MYO16: variants seen among roughly 807,000 people sequenced by gnomAD.
MYO16 encodes the protein myosin XVI.
A neutral mutation model predicts 205.3 loss-of-function variants in MYO16; 94 were observed. The observed-to-expected ratio is 0.46, with a 90% CI of 0.39 to 0.54. MYO16 has a LOEUF of 0.54. Among genes scored for constraint, MYO16 ranks in the 20% least tolerant of loss-of-function variants. The probability of loss-of-function intolerance (pLI) is 0.00; values close to 1 mark genes in which losing one functional copy is unlikely to be tolerated. For synonymous variants in MYO16, 988 were observed against 954.0 expected (o/e 1.04, Z -0.66); for missense variants, 2,315 against 2,387.5 (o/e 0.97, Z 0.63).
chr13:109,182,100 G>A (rs1879483347), intron 34 of MYO16, among the ~76,000 whole-genome samples: 2 of 152,162 alleles, frequency 1.3e-5, no homozygotes, highest in African/African-American at 2.4e-5. Context: ...TTACAGGCGG[G>A]AGCCACTGCA....
chr13:108,623,722 C>T (rs1879625071), intron 1 of MYO16, among the ~76,000 whole-genome samples: 1 of 152,242 alleles, frequency 6.6e-6, no homozygotes, highest in East Asian at 1.9e-4. Flanking sequence ...CTGGCTCTCC[C>T]TTTGTTGATC....
At chr13:108,590,818 T>G in the MYO16 span, among the ~76,000 whole-genome samples, 1 of 151,842 alleles carries the variant, frequency 6.6e-6, no homozygotes, top group Non-Finnish European at 1.5e-5. Flanking sequence ...AGAGGAAGAA[T>G]TTTTCCTTAC....
At chr13:108,822,975 C>A (rs1269613493) in intron 8 of MYO16, 150 bp from the exon 9 acceptor site, 3 of 668,312 alleles carry the variant, frequency 4.5e-6, no homozygotes, top group Non-Finnish European at 7.3e-6. Flanking sequence ...TCAATTTTAT[C>A]CCAGCCGTAA....
chr13:109,099,123 T>C (rs944553562), intron 27 of MYO16, among the ~76,000 whole-genome samples: 22 of 152,172 alleles, frequency 1.4e-4, no homozygotes, highest in African/African-American at 5.1e-4. Context: ...CTCGTCTCTT[T>C]AGCAAAACGT....
intron 14 of MYO16, among the ~76,000 whole-genome samples, chr13:108,894,264 G>A (rs143857916): frequency 6.6e-6 from 1 of 152,126 alleles, no homozygotes; most frequent in East Asian, 1.9e-4. Context: ...AATTCGACTC[G>A]AGATTTGGGT....
rs189023688 is a variant in MYO16, at chr13:108,899,253, G to A, written c.1777+1120G>A. Among the ~76,000 whole-genome samples, 606 of 151,992 alleles carry A rather than the reference G, an allele frequency of 4.0e-3. 4 individuals carry two copies. Among genetic ancestry groups the A allele is most frequent in the Non-Finnish European group, 5.0e-3 (338 of 67,956 alleles). On this transcript the variant is annotated intron_variant, in intron 15 of 34. Transcript: ENST00000457511. Reference sequence around the variant, plus strand: ...AGCCTGACTAACATGGAGAAACCCCGTCTCTACTAAAAATACAAAATTATC... The same window carrying A: ...AGCCTGACTAACATGGAGAAACCCCATCTCTACTAAAAATACAAAATTATC...
intron 1 of MYO16, among the ~76,000 whole-genome samples, chr13:108,653,290 T>G (rs912000775): frequency 3.3e-5 from 5 of 152,224 alleles, no homozygotes; most frequent in African/African-American, 9.6e-5. Flanking sequence ...GATATTAATC[T>G]CCTATTAGGT....
rs1594247023 is a variant in MYO16, at chr13:108,731,141, A to T, written c.507+3558A>T. Among the ~76,000 whole-genome samples, 6 of 152,282 alleles carry T rather than the reference A, an allele frequency of 3.9e-5. No homozygotes were observed. In the East Asian group the frequency reaches 1.2e-3, roughly 29 times the overall value. On this transcript the variant is annotated intron_variant, in intron 4 of 34. Transcript: ENST00000457511. ...TGTATATTCAGTAATTCTTTGTCTA[A>T]CTAACACCAGCTTCAGGTTAGGCAT...
intron 28 of MYO16, among the ~76,000 whole-genome samples, chr13:109,114,661 A>G (rs1233215127): frequency 6.6e-6 from 1 of 152,206 alleles, no homozygotes. Context: ...AAATTGTACT[A>G]TTATTCCGAA....
chr13:109,161,389 T>C (rs1878375889), intron 32 of MYO16, among the ~76,000 whole-genome samples: 1 of 152,200 alleles, frequency 6.6e-6, no homozygotes, highest in Non-Finnish European at 1.5e-5. Flanking sequence ...TGGGCCTCAG[T>C]CTGAATCTGG....
intron 9 of MYO16, among the ~76,000 whole-genome samples, chr13:108,841,025 G>A (rs1218892863): frequency 6.6e-6 from 1 of 152,110 alleles, no homozygotes; most frequent in Non-Finnish European, 1.5e-5. Context: ...AGGTATTTTT[G>A]TAAAAATTCA....
chr13:108,757,544 A>G (rs1473682615), intron 4 of MYO16, among the ~76,000 whole-genome samples: 1 of 152,024 alleles, frequency 6.6e-6, no homozygotes. Flanking sequence ...TTAGTTACAT[A>G]TGTATACATG....
the MYO16 span, among the ~76,000 whole-genome samples, chr13:108,529,348 A>C: frequency 6.6e-6 from 1 of 152,102 alleles, no homozygotes; most frequent in African/African-American, 2.4e-5. Flanking sequence ...TTCCTTGCAC[A>C]CTTCTTCATT....
chr13:109,150,973 T>C (rs1452026999), intron 32 of MYO16, among the ~76,000 whole-genome samples: 1 of 152,186 alleles, frequency 6.6e-6, no homozygotes, highest in African/African-American at 2.4e-5. Context: ...TTTTCTTCCT[T>C]TTGTGAAGAA....
intron 28 of MYO16, chr13:109,102,035 T>C (rs1352148848): frequency 1.3e-5 from 2 of 152,166 alleles, no homozygotes; most frequent in Admixed American, 1.3e-4. Flanking sequence ...TTGGCATTGA[T>C]GAGTAATGAT....
chr13:109,146,108 C>T (rs949585414), intron 32 of MYO16, among the ~76,000 whole-genome samples: 6 of 152,052 alleles, frequency 3.9e-5, no homozygotes, highest in Non-Finnish European at 7.4e-5. Context: ...TAAAATTTAC[C>T]TATAAAAGAG....
intron 22 of MYO16, among the ~76,000 whole-genome samples, chr13:109,013,108 T>TCCCCCCCCCCCCCC (rs1177754621): frequency 1.3e-3 from 41 of 32,608 alleles, no homozygotes; most frequent in South Asian, 2.0e-3. Context: ...ATGCTACCCC[T>TCCCCCCCCCCCCCC]CCCCCACCCC....
At chr13:108,748,976 G>A (rs373273318) in intron 4 of MYO16, among the ~76,000 whole-genome samples, 12 of 151,986 alleles carry the variant, frequency 7.9e-5, no homozygotes, top group East Asian at 7.7e-4. Context: ...AAATTGATAA[G>A]TTGGACTATG....
the MYO16 span, among the ~76,000 whole-genome samples, chr13:108,501,324 C>G: frequency 2.6e-5 from 4 of 152,162 alleles, no homozygotes; most frequent in African/African-American, 9.7e-5. Flanking sequence ...CAACAGCTCC[C>G]TGAGCTCTGC....
Sources: gnomAD v4.1 joint callset for allele counts (sites outside exome capture counted in the v4.1 genomes callset) on GRCh38, gnomAD v4.1.1 for gene constraint, MANE v1.5 for transcripts, NCBI Gene and HGNC (gene_info 2026-07-23, HGNC 2026-07-21) for gene names.